Variants in ADGRL4 observed in about 807,000 individuals in gnomAD.
ADGRL4 encodes the protein EGF, latrophilin and seven transmembrane domain containing 1.
In ADGRL4, 90 loss-of-function variants were observed where a neutral mutation model predicts 74.8. The observed-to-expected ratio is 1.20, with a 90% CI of 1.02 to 1.43. The LOEUF (loss-of-function observed/expected upper bound fraction) is 1.43, where lower values mean the gene tolerates loss of function less well. Among genes scored for constraint, ADGRL4 ranks in the 40% most tolerant of loss-of-function variants. ADGRL4 has a pLI of 0.00. For synonymous variants in ADGRL4, 311 were observed against 279.2 expected (o/e 1.11, Z -1.14); for missense variants, 881 against 814.3 (o/e 1.08, Z -1.00).
Position 78,937,984 on chromosome 1 carries a change from C to T in ADGRL4, c.583G>A (p.Val195Ile). The change falls in exon 6 of 15, where the codon GTA (valine) becomes ATA (isoleucine). Residue 195 changes from valine to isoleucine, a missense_variant. Coordinates refer to ENST00000370742, the MANE Select transcript of ADGRL4 (RefSeq NM_022159.4). ...TLSNSTLTEFVKTVNNFVQRD... is the reference protein window; with the variant it reads ...TLSNSTLTEFIKTVNNFVQRD... ...TGAACAAAATTATTCACGGTTTTTA[C>T]AAATTCCTATTGAAAAAAAGTATGT... 1.2e-6 allele frequency: 2 copies of T among 1,609,168 alleles called. No homozygotes were observed. Among genetic ancestry groups the T allele is most frequent in the Non-Finnish European group, 1.7e-6 (2 of 1,178,678 alleles).
chr1:78,968,155 C>G (rs1650093045), intron 2 of ADGRL4, among the ~76,000 whole-genome samples: 1 of 152,028 alleles, frequency 6.6e-6, no homozygotes, highest in Non-Finnish European at 1.5e-5. Flanking sequence ...TTACATGCAT[C>G]AATTATAATT....
intron 12 of ADGRL4, among the ~76,000 whole-genome samples, chr1:78,906,103 G>A (rs1240081807): frequency 6.6e-6 from 1 of 151,928 alleles, no homozygotes; most frequent in Admixed American, 6.6e-5. Flanking sequence ...AGATTCATGG[G>A]TTTTATGATA....
At position 78,956,691 on chromosome 1, in the gene ADGRL4, C is replaced by T. The variant is rs1649836376; in HGVS notation, c.173-10265G>A. 2.0e-5 allele frequency among the ~76,000 whole-genome samples: 3 copies of T among 152,080 alleles called. No homozygotes were observed. In the South Asian group the frequency reaches 6.2e-4, roughly 32 times the overall value. ...TGTTGACAACAGAGAATTGAATTAC[C>T]TATCAATATCATAAAATTAAAATTA... On this transcript the variant is annotated intron_variant, in intron 2 of 14. Transcript: ENST00000370742.
chr1:78,962,970 A>G (rs1649984766), intron 2 of ADGRL4, among the ~76,000 whole-genome samples: 1 of 152,182 alleles, frequency 6.6e-6, no homozygotes, highest in Non-Finnish European at 1.5e-5. Flanking sequence ...GTGTGTATGA[A>G]ATCTTTTCAT....
intron 12 of ADGRL4, among the ~76,000 whole-genome samples, chr1:78,903,702 G>A (rs1040960217): frequency 6.6e-6 from 1 of 151,974 alleles, no homozygotes; most frequent in Non-Finnish European, 1.5e-5. Flanking sequence ...TTGGGAGGCC[G>A]AGGAGGGTGG....
chr1:78,910,780 A>G (rs1252559734), intron 12 of ADGRL4, among the ~76,000 whole-genome samples: 1 of 151,844 alleles, frequency 6.6e-6, no homozygotes, highest in African/African-American at 2.4e-5. Flanking sequence ...GCTTTCAAAA[A>G]GCAAGACTAG....
intron 2 of ADGRL4, among the ~76,000 whole-genome samples, chr1:78,975,912 C>T (rs966142942): frequency 6.6e-6 from 1 of 151,814 alleles, no homozygotes; most frequent in Non-Finnish European, 1.5e-5. Context: ...AAAACAATCA[C>T]TGCCAGAAAA....
intron 2 of ADGRL4, among the ~76,000 whole-genome samples, chr1:78,981,320 G>A (rs779755612): frequency 1.3e-5 from 2 of 151,902 alleles, no homozygotes; most frequent in African/African-American, 4.8e-5. Context: ...CTCAGGCAGA[G>A]GAGGAACAAC....
intron 2 of ADGRL4, among the ~76,000 whole-genome samples, chr1:78,991,345 C>T (rs147798160): frequency 1.3e-5 from 2 of 152,102 alleles, no homozygotes; most frequent in African/African-American, 2.4e-5. Context: ...ATGGGAAGTA[C>T]ATATTTTGGC....
intron 9 of ADGRL4, among the ~76,000 whole-genome samples, chr1:78,920,839 A>T (rs1648982111): frequency 6.6e-6 from 1 of 151,916 alleles, no homozygotes; most frequent in Non-Finnish European, 1.5e-5. Context: ...TTATCAAGTA[A>T]TATTGTTCAG....
intron 13 of ADGRL4, 74 bp from the exon 14 acceptor site, chr1:78,891,766 T>C: frequency 7.4e-7 from 1 of 1,351,644 alleles, no homozygotes; most frequent in Non-Finnish European, 1.0e-6. Context: ...ACTCAAATTA[T>C]GTGGGAGGTG....
At chr1:78,936,474 T>A (rs1429336344) in intron 6 of ADGRL4, 63 bp from the exon 7 acceptor site, 5 of 1,349,894 alleles carry the variant, frequency 3.7e-6, no homozygotes, top group Non-Finnish European at 5.0e-6. Flanking sequence ...ATCATAAATA[T>A]ATTAGCTTAG....
Position 78,935,402 on chromosome 1 carries a change from G to A in ADGRL4, c.877+893C>T, listed in dbSNP as rs528326763. ...GGAACATCACACACCAGGGCCTGCT[G>A]GGGAGTGGGGAAAGAGGGGAGGGAA... On this transcript the variant is annotated intron_variant, in intron 7 of 14. Coordinates refer to ENST00000370742, the MANE Select transcript of ADGRL4 (RefSeq NM_022159.4). Among the ~76,000 whole-genome samples, 4 of 152,112 alleles carry A rather than the reference G, an allele frequency of 2.6e-5. No individual in the cohort carries two copies. The East Asian group carries it at 7.8e-4, about 30-fold the overall frequency.
intron 7 of ADGRL4, among the ~76,000 whole-genome samples, chr1:78,935,938 A>G (rs1649342548): frequency 2.7e-5 from 1 of 37,112 alleles, no homozygotes. Flanking sequence ...CCTGGCTAAC[A>G]CGGTGAAACC....
In ADGRL4 at chr1:78,891,163, A is replaced by T. The variant is rs774541181; in HGVS notation, c.2064T>A (p.Cys688Ter). 11 of 1,611,612 alleles carry T rather than the reference A, an allele frequency of 6.8e-6. No homozygotes were observed. The highest frequency in any genetic ancestry group is 1.3e-5 in the African/African-American group (1 of 74,942). Residue 688 changes from cysteine (C) to a stop codon, truncating the protein, a stop_gained, in exon 15 of 15, where the codon TGT becomes TGA. Coordinates refer to ENST00000370742, the MANE Select transcript of ADGRL4 (RefSeq NM_022159.4). LOFTEE classifies it high-confidence loss of function. Reference sequence around the variant, plus strand: ...CCACCATTCTCTATGTTTACCTTAAACATCCAAAACAACAGGGGACATTTT... The same window carrying T: ...CCACCATTCTCTATGTTTACCTTAATCATCCAAAACAACAGGGGACATTTT... The part of the protein sequence containing the change: ...LFKNVPCCFG[C>*]LR
intron 12 of ADGRL4, among the ~76,000 whole-genome samples, chr1:78,917,124 G>C (rs1003886486): frequency 1.3e-5 from 2 of 151,746 alleles, no homozygotes; most frequent in African/African-American, 4.8e-5. Context: ...TATGATGACA[G>C]GGTACATAAA....
At chr1:78,968,488 T>A in intron 2 of ADGRL4, among the ~76,000 whole-genome samples, 1 of 3,664 alleles carries the variant, frequency 2.7e-4, no homozygotes, top group Non-Finnish European at 6.0e-4. Flanking sequence ...CGCTCTCTAC[T>A]GGGGTGGAGG....
chr1:78,905,217 T>C (rs1570215869), intron 12 of ADGRL4, among the ~76,000 whole-genome samples: 1 of 152,192 alleles, frequency 6.6e-6, no homozygotes, highest in South Asian at 2.1e-4. Context: ...TTATCATTTG[T>C]GTAAACAATT....
At chr1:78,908,684 CA>C (rs1322843185) in intron 12 of ADGRL4, among the ~76,000 whole-genome samples, 24 of 152,056 alleles carry the variant, frequency 1.6e-4, no homozygotes, top group African/African-American at 5.3e-4. Context: ...TCCCTTTCAT[CA>C]TATCATTATG....
Sources: gnomAD v4.1 joint callset for allele counts (sites outside exome capture counted in the v4.1 genomes callset) on GRCh38, gnomAD v4.1.1 for gene constraint, MANE v1.5 for transcripts, NCBI Gene and HGNC (gene_info 2026-07-23, HGNC 2026-07-21) for gene names.